FERMT1: variants seen among roughly 807,000 people sequenced by gnomAD.
The protein encoded by FERMT1 is FERM domain containing kindlin 1.
Under a neutral mutation model 85.3 loss-of-function variants are expected in FERMT1, and 60 were observed. That is an observed-to-expected ratio of 0.70 (90% CI 0.57 to 0.87). The LOEUF is 0.87. FERMT1 is among the 40% of genes least tolerant of loss of function. The pLI, the probability that FERMT1 is intolerant of heterozygous loss-of-function variation, is 0.00. For synonymous variants in FERMT1, 275 were observed against 301.1 expected (o/e 0.91, Z 0.90); for missense variants, 701 against 818.9 (o/e 0.86, Z 1.76).
Position 6,115,955 on chromosome 20 carries a change from C to G in FERMT1, c.241G>C (p.Gly81Arg). 6.2e-7 allele frequency: 1 copy of G among 1,614,124 alleles called. No individual in the cohort carries two copies. Among genetic ancestry groups the G allele is most frequent in the East Asian group, 2.2e-5 (1 of 44,892 alleles). ...LKTHWTLDKY[G>R]VQADAKLLFT... is the part of the protein sequence containing the mutation. ...AGAAGCTTTGCATCTGCCTGGACCC[C>G]ATATTTGTCCAGGGTCCAGTGGGTT... Residue 81 changes from glycine to arginine, a missense_variant, in exon 3 of 15, where the codon GGG becomes CGG. Transcript: ENST00000217289.
At chr20:6,103,205 G>T (rs1982707238) in intron 6 of FERMT1, among the ~76,000 whole-genome samples, 1 of 152,084 alleles carries the variant, frequency 6.6e-6, no homozygotes, top group South Asian at 2.1e-4. Context: ...TTCTCTATGG[G>T]CTGTTTTGCA....
rs756711837 is a variant in FERMT1, at chr20:6,077,291, T to G, written c.1916A>C (p.Asp639Ala). ...VFTAFTCLSA[D>A]CKIVHEYIGG... ...AATGTACTCGTGCACAATCTTGCAA[T>G]CTGCACTCAGGCAGGTGAAAGCAGT... Residue 639 changes from aspartate to alanine, a missense_variant, in exon 15 of 15, where the codon GAT becomes GCT. Coordinates refer to ENST00000217289, the MANE Select transcript of FERMT1 (RefSeq NM_017671.5). The G allele has an allele frequency of 1.2e-6, 2 of 1,614,124 alleles. No individual in the cohort carries two copies. Among genetic ancestry groups the G allele is most frequent in the South Asian group, 1.1e-5 (1 of 91,080 alleles).
intron 6 of FERMT1, 25 bp from the exon 7 acceptor site, chr20:6,097,656 G>A (rs764663167): frequency 1.1e-5 from 16 of 1,410,544 alleles, no homozygotes; most frequent in Non-Finnish European, 3.0e-6. Context: ...AGAGGTGTGT[G>A]TGTAATGAGG....
chr20:6,083,693 TAAAAAAAAAAAACAA>T (rs1285468331), intron 13 of FERMT1, among the ~76,000 whole-genome samples: 3 of 99,692 alleles, frequency 3.0e-5, no homozygotes, highest in East Asian at 5.2e-4. Flanking sequence ...CCCGATCTCT[TAAAAAAAAAAAACAA>T]AAAAAAAAAA....
At chr20:6,095,399 ATAAC>A (rs1344893889) in intron 8 of FERMT1, among the ~76,000 whole-genome samples, 12 of 152,252 alleles carry the variant, frequency 7.9e-5, no homozygotes, top group Non-Finnish European at 1.8e-4. Flanking sequence ...AGTACTCCCT[ATAAC>A]TATCATTCAA....
intron 6 of FERMT1, 90 bp from the exon 7 acceptor site, chr20:6,097,721 T>C (rs1351076150): frequency 1.1e-6 from 1 of 903,618 alleles, no homozygotes; most frequent in Non-Finnish European, 1.9e-6. Context: ...CATTCTCTGT[T>C]AATCAGATGC....
At chr20:6,081,116 A>G (rs1460825394) in intron 13 of FERMT1, among the ~76,000 whole-genome samples, 1 of 152,094 alleles carries the variant, frequency 6.6e-6, no homozygotes, top group Non-Finnish European at 1.5e-5. Flanking sequence ...GTGAGATCCC[A>G]TCTCCTAAAA....
intron 2 of FERMT1, 59 bp from the exon 3 acceptor site, chr20:6,116,103 G>A (rs912152660): frequency 4.2e-6 from 5 of 1,180,728 alleles, no homozygotes; most frequent in Non-Finnish European, 5.0e-6. Context: ...GGAGGGTCCT[G>A]GAGCTGCAGA....
intron 11 of FERMT1, among the ~76,000 whole-genome samples, chr20:6,086,555 A>ATAAG (rs1448414141): frequency 7.2e-5 from 11 of 152,184 alleles, no homozygotes; most frequent in African/African-American, 2.7e-4. Flanking sequence ...ACTGCCCCTG[A>ATAAG]TAAGGTTTGG....
In FERMT1 at chr20:6,115,904, G is replaced by A. The variant is rs141690919; in HGVS notation, c.292C>T (p.Arg98Cys). 5.5e-5 allele frequency: 89 copies of A among 1,614,122 alleles called. No individual in the cohort carries two copies. The Middle Eastern group carries it at 6.6e-4, about 12-fold the overall frequency. ...ATCTTCAAATTCGGCAGACGAAGGCGCAGCATTTTATGCTGAGGGGTGAAG... is the reference window on the plus strand; with the variant it reads ...ATCTTCAAATTCGGCAGACGAAGGCACAGCATTTTATGCTGAGGGGTGAAG... ...LLFTPQHKML[R>C]LRLPNLKMVR... Residue 98 changes from arginine to cysteine, a missense_variant, in exon 3 of 15, where the codon CGC becomes TGC. Arg to Cys is a radical substitution (Grantham distance 180). Transcript: ENST00000217289.
At chr20:6,112,420 T>C in intron 4 of FERMT1, 57 bp downstream of exon 4, 1 of 1,520,922 alleles carries the variant, frequency 6.6e-7, no homozygotes, top group South Asian at 1.1e-5. Context: ...AGAGATATAT[T>C]TCTCTCTTGA....
In FERMT1 at chr20:6,078,578, C is replaced by T. The variant is rs111289687; in HGVS notation, c.1860+858G>A. ...TAACCTCGAACCTCAACTGATCATC[C>T]CTGGCTGAGTAGCTGAAACTACAGG... On this transcript the variant is annotated intron_variant, in intron 14 of 14. Transcript: ENST00000217289. Among the ~76,000 whole-genome samples the T allele has an allele frequency of 6.9e-3, 1,053 of 152,000 alleles. 14 individuals are homozygous for T. The highest frequency in any genetic ancestry group is 0.024 in the African/African-American group (1,007 of 41,458).
In FERMT1 at chr20:6,084,141, C is replaced by A; in HGVS notation, c.1617G>T (p.Ala539=). ...SKQLAARILE[A]HQNVAQMPLV... is the part of the protein sequence containing the mutation. ...GGGGCATCTGGGCCACGTTCTGGTG[C>A]GCCTCCAGGATCCGGGCGGCCAGCT... The change falls in exon 13 of 15, where the codon GCG becomes GCT. Residue 539 remains alanine, a synonymous_variant. Coordinates refer to ENST00000217289, the MANE Select transcript of FERMT1 (RefSeq NM_017671.5). 6.2e-7 allele frequency: 1 copy of A among 1,612,924 alleles called. No homozygotes were observed. Among genetic ancestry groups the A allele is most frequent in the African/African-American group, 1.3e-5 (1 of 75,014 alleles).
chr20:6,083,396 C>A (rs6117075), intron 13 of FERMT1, among the ~76,000 whole-genome samples: 45,868 of 151,924 alleles, frequency 0.3, 7,464 homozygotes, highest in East Asian at 0.62. Context: ...TCTTCAGAGA[C>A]CAGTGAGAAC....
chr20:6,087,273 C>T (rs1180171694), intron 11 of FERMT1, among the ~76,000 whole-genome samples: 1 of 152,160 alleles, frequency 6.6e-6, no homozygotes, highest in Non-Finnish European at 1.5e-5. Context: ...CAATCCCCAG[C>T]CTACCTTTCA....
rs181086688 is a variant in FERMT1 at position 6,093,315 on chromosome 20, T to G, written c.1139+1624A>C. Among the ~76,000 whole-genome samples the G allele has an allele frequency of 3.3e-5, 5 of 152,302 alleles. No individual in the cohort carries two copies. In the East Asian group the frequency reaches 7.7e-4, roughly 23 times the overall value. The stretch of plus-strand genomic sequence containing the variant: ...ACTATATTATATATTCAATGCAACA[T>G]CTTGAGACCTTAGATAGTATCCACT... On this transcript the variant is annotated intron_variant, in intron 9 of 14. Transcript: ENST00000217289.
rs1982743291 is a variant in FERMT1 at position 6,104,352 on chromosome 20, A to G, written c.849+3180T>C. ...TGCCTTGTAAATTTGCAGTGGCTTC[A>G]TGGGTGTTCTTTCTTCTTCTTAGAT... On this transcript the variant is annotated intron_variant, in intron 6 of 14. Transcript: ENST00000217289. The surrounding 1 kb of genome is among the most constrained non-coding windows in gnomAD (Gnocchi z 4.2). 6.6e-6 allele frequency among the ~76,000 whole-genome samples: 1 copy of G among 152,166 alleles called. No homozygotes were observed. The highest frequency in any genetic ancestry group is 2.4e-5 in the African/African-American group (1 of 41,438).
intron 6 of FERMT1, among the ~76,000 whole-genome samples, chr20:6,102,244 G>T (rs1414260686): frequency 6.6e-6 from 1 of 152,046 alleles, no homozygotes; most frequent in Non-Finnish European, 1.5e-5. Context: ...ACAGGTCATT[G>T]ACAGGCATCC....
chr20:6,091,937 A>ATTTT (rs3060080), intron 9 of FERMT1, among the ~76,000 whole-genome samples: 64 of 142,452 alleles, frequency 4.5e-4, no homozygotes, highest in African/African-American at 1.2e-3. Context: ...TCTCGTTAGA[A>ATTTT]TTTTTTTTTT....
Sources: gnomAD v4.1 joint callset for allele counts (sites outside exome capture counted in the v4.1 genomes callset) on GRCh38, gnomAD v4.1.1 for gene constraint, Gnocchi (gnomAD v3.1) non-coding constraint, MANE v1.5 for transcripts, NCBI Gene and HGNC (gene_info 2026-07-23, HGNC 2026-07-21) for gene names.